The following PIBF1 variants were observed in gnomAD, a reference collection of about 807,000 sequenced individuals.
PIBF1 encodes the protein progesterone-induced-blocking factor 1.
PIBF1 carries 90 observed loss-of-function variants against 112.5 expected under a neutral mutation model. The observed-to-expected ratio is 0.80, with a 90% CI of 0.67 to 0.95. The LOEUF is 0.95. Ranked by LOEUF, PIBF1 falls within the 40% of genes least tolerant of loss-of-function variation. PIBF1 has a pLI of 0.00. For missense variants in PIBF1, 915 were observed against 852.3 expected (o/e 1.07, Z -0.92); for synonymous variants, 301 against 288.6 (o/e 1.04, Z -0.44).
At position 72,854,148 on chromosome 13, in the gene PIBF1, T is replaced by G. The variant is rs757342204; in HGVS notation, c.1315T>G (p.Leu439Val). 44 of 1,594,160 alleles carry G rather than the reference T, an allele frequency of 2.8e-5. No individual in the cohort carries two copies. The African/African-American group carries it at 5.1e-4, about 18-fold the overall frequency. ...TGCTTTAGAAAAACACGATCAGCTC[T>G]TAGACAGGTAAGCATCATAAAAATA... ...KDALEKHDQL[L>V]DRYRELQLST... The change falls in exon 10 of 18, where the codon TTA (leucine) becomes GTA (valine). Residue 439 changes from leucine to valine, a missense_variant. Physicochemically the swap from Leu to Val is conservative, Grantham distance 32. Transcript: ENST00000326291.
chr13:72,933,948 A>G (rs1257721935), intron 14 of PIBF1, among the ~76,000 whole-genome samples: 2 of 152,214 alleles, frequency 1.3e-5, no homozygotes, highest in Non-Finnish European at 2.9e-5. Flanking sequence ...TAATGTTTGA[A>G]GTTGGATGAC....
chr13:72,861,441 A>G (rs1420767582), intron 10 of PIBF1, among the ~76,000 whole-genome samples: 2 of 152,182 alleles, frequency 1.3e-5, no homozygotes, highest in Non-Finnish European at 2.9e-5. Flanking sequence ...TATTAGTACA[A>G]GGCCAAAATA....
chr13:72,823,743 A>G (rs1329944749), intron 6 of PIBF1, among the ~76,000 whole-genome samples: 2 of 152,166 alleles, frequency 1.3e-5, no homozygotes, highest in African/African-American at 4.8e-5. Context: ...TTAGATCTGA[A>G]TGTATCACTT....
intron 14 of PIBF1, among the ~76,000 whole-genome samples, chr13:72,949,185 T>C (rs931156361): frequency 1.3e-5 from 2 of 152,120 alleles, no homozygotes; most frequent in Admixed American, 6.6e-5. Context: ...ATTAAGCTTT[T>C]GGAAAACTGG....
At chr13:72,859,294 G>C (rs939482813) in intron 10 of PIBF1, among the ~76,000 whole-genome samples, 3 of 152,102 alleles carry the variant, frequency 2.0e-5, no homozygotes, top group Non-Finnish European at 4.4e-5. Flanking sequence ...ATGGAAATGA[G>C]TTAGATAGGG....
At chr13:72,824,444 A>T (rs1357275412) in intron 6 of PIBF1, among the ~76,000 whole-genome samples, 1 of 152,236 alleles carries the variant, frequency 6.6e-6, no homozygotes, top group Non-Finnish European at 1.5e-5. Flanking sequence ...TCCATTGAAT[A>T]GAATAAGAGT....
chr13:72,982,254 A>T (rs995325155), intron 16 of PIBF1, among the ~76,000 whole-genome samples: 1 of 152,128 alleles, frequency 6.6e-6, no homozygotes, highest in African/African-American at 2.4e-5. Flanking sequence ...CCTGGGCAAC[A>T]TGGTGAAACT....
At chr13:72,905,086 CAG>C (rs986435311) in intron 11 of PIBF1, among the ~76,000 whole-genome samples, 2 of 135,466 alleles carry the variant, frequency 1.5e-5, no homozygotes, top group Non-Finnish European at 1.6e-5. Flanking sequence ...TTTTTGGAGA[CAG>C]AGTCTCACTC....
intron 2 of PIBF1, among the ~76,000 whole-genome samples, chr13:72,784,106 G>C (rs1465198928): frequency 1.3e-5 from 2 of 151,980 alleles, no homozygotes; most frequent in Non-Finnish European, 2.9e-5. Context: ...AACTATGTGA[G>C]GTAAAACATT....
rs1491281184 is a variant in PIBF1, at chr13:72,832,071, C to CTTTTTTTTTTTTTTTTTTTTTTTTTTTTT, written c.1098-3172_1098-3171insTTTTTTTTTTTTTTTTTTTTTTTTTTTTT. ...TCAGAGATTAGAATTGCAATTCCGG[C>CTTTTTTTTTTTTTTTTTTTTTTTTTTTTT]CTTTTTTTTTTTTTTTTTTTTTTTT... is the stretch of plus-strand genomic sequence containing the variant. On this transcript the variant is annotated intron_variant, in intron 8 of 17. Transcript: ENST00000326291. Among the ~76,000 whole-genome samples the CTTTTTTTTTTTTTTTTTTTTTTTTTTTTT allele has an allele frequency of 3.4e-5, 2 of 59,492 alleles. 1 individual carries two copies. 39.0% of individuals were successfully genotyped at this position (59,492 alleles called of 152,430 possible). A position where few individuals can be genotyped will look rare whatever the true frequency, so the allele number is the denominator to read the frequency against.
intron 9 of PIBF1, among the ~76,000 whole-genome samples, chr13:72,838,181 G>T (rs867545920): frequency 6.6e-6 from 1 of 152,178 alleles, no homozygotes; most frequent in Non-Finnish European, 1.5e-5. Flanking sequence ...TGTACCATTT[G>T]CCAGCTAAAT....
chr13:72,906,001 A>G (rs1446182585), intron 11 of PIBF1, among the ~76,000 whole-genome samples: 3 of 152,178 alleles, frequency 2.0e-5, no homozygotes, highest in Non-Finnish European at 4.4e-5. Context: ...CTCTCTCATA[A>G]TGAATCCTCA....
At chr13:72,989,048 AAAAG>A (rs1258534237) in intron 16 of PIBF1, among the ~76,000 whole-genome samples, 3 of 152,336 alleles carry the variant, frequency 2.0e-5, no homozygotes, top group African/African-American at 7.2e-5. Flanking sequence ...AAAAAAAAGA[AAAAG>A]AAATTATCTG....
chr13:72,978,932 C>T (rs927940799), intron 16 of PIBF1, among the ~76,000 whole-genome samples: 10 of 152,152 alleles, frequency 6.6e-5, no homozygotes, highest in African/African-American at 1.7e-4. Flanking sequence ...CAGTGGTTCA[C>T]ACTTGTAATC....
chr13:72,895,760 G>A (rs1250034460), intron 11 of PIBF1, among the ~76,000 whole-genome samples: 1 of 93,166 alleles, frequency 1.1e-5, no homozygotes, highest in African/African-American at 3.2e-5. Context: ...CAGATCGACT[G>A]CAAGAACAAA....
chr13:72,958,621 G>A (rs752514710), intron 14 of PIBF1, among the ~76,000 whole-genome samples: 8 of 152,156 alleles, frequency 5.3e-5, no homozygotes, highest in Non-Finnish European at 1.0e-4. Context: ...CATCTGTCCT[G>A]TGGCCCCTCT....
chr13:72,791,719 G>A (rs535472407), intron 2 of PIBF1, among the ~76,000 whole-genome samples: 17 of 151,722 alleles, frequency 1.1e-4, no homozygotes, highest in Admixed American at 5.2e-4. Flanking sequence ...TGCAGCCTCC[G>A]CCTTCCAGGT....
At chr13:72,788,831 T>C (rs1757606679) in intron 2 of PIBF1, among the ~76,000 whole-genome samples, 4 of 152,242 alleles carry the variant, frequency 2.6e-5, no homozygotes, top group Admixed American at 2.6e-4. Context: ...TCAAAATCTT[T>C]TTTTAGTTAG....
intron 17 of PIBF1, among the ~76,000 whole-genome samples, chr13:73,014,211 T>C (rs900753923): frequency 6.6e-6 from 1 of 152,094 alleles, no homozygotes; most frequent in African/African-American, 2.4e-5. Context: ...TGAACTCAAG[T>C]GATCTGCCTG....
Sources: allele counts gnomAD v4.1 joint callset (sites outside exome capture counted in the v4.1 genomes callset), GRCh38; gene constraint gnomAD v4.1.1; transcripts MANE v1.5; gene names NCBI Gene and HGNC (gene_info 2026-07-23, HGNC 2026-07-21).